The following PIK3C2B variants were observed in gnomAD, a reference collection of about 807,000 sequenced individuals.
PIK3C2B encodes the protein phosphatidylinositol-4-phosphate 3-kinase catalytic subunit type 2 beta, also known as phosphatidylinositol 4-phosphate 3-kinase C2 domain-containing subunit beta.
PIK3C2B carries 83 observed loss-of-function variants against 184.3 expected under a neutral mutation model. The observed-to-expected ratio is 0.45, with a 90% CI of 0.38 to 0.54. The LOEUF (loss-of-function observed/expected upper bound fraction) is 0.54, where lower values mean the gene tolerates loss of function less well. Among genes scored for constraint, PIK3C2B ranks in the 20% least tolerant of loss-of-function variants. The pLI, the probability that PIK3C2B is intolerant of heterozygous loss-of-function variation, is 0.00. For synonymous variants in PIK3C2B, 779 were observed against 837.6 expected, an observed-to-expected ratio of 0.93 and a Z score of 1.21; for missense variants, 1,736 against 2,113.5, an observed-to-expected ratio of 0.82 and a Z score of 3.50.
intron 23 of PIK3C2B, among the ~76,000 whole-genome samples, chr1:204,436,123 ACT>A (rs1165933950): frequency 2.0e-5 from 3 of 152,182 alleles, no homozygotes; most frequent in Non-Finnish European, 2.9e-5. Flanking sequence ...ATAAAGGGAC[ACT>A]CTGCCTCTGA....
chr1:204,432,094 C>T, intron 27 of PIK3C2B, 106 bp downstream of exon 27: 2 of 1,011,294 alleles, frequency 2.0e-6, no homozygotes, highest in Non-Finnish European at 3.1e-6. Context: ...ACAGGACGCT[C>T]GGTCAACTCC....
Position 204,469,473 on chromosome 1 carries a change from C to A in PIK3C2B, c.330G>T (p.Gly110=). The change falls in exon 2 of 33, where the codon GGG becomes GGT. Residue 110 remains glycine (G), a synonymous_variant. Transcript: ENST00000684373. ...GCCAGGGATCTGAGCCAGGCTGTGG[C>A]CCTTGGGAGGTAGAGTGGTTGGGCG... ...EGPPNHSTSQ[G]PQPGSDPWPK... 6.2e-7 allele frequency: 1 copy of A among 1,603,686 alleles called. No homozygotes were observed. Among genetic ancestry groups the A allele is most frequent in the Non-Finnish European group, 8.5e-7 (1 of 1,175,130 alleles).
chr1:204,443,286 CAG>C, intron 19 of PIK3C2B, 129 bp downstream of exon 19: 1 of 787,078 alleles, frequency 1.3e-6, no homozygotes, highest in Non-Finnish European at 2.0e-6. Flanking sequence ...GCCTAGTTTC[CAG>C]AGTCAGCTGC....
At chr1:204,442,245 C>T (rs1335950538) in intron 20 of PIK3C2B, among the ~76,000 whole-genome samples, 3 of 152,196 alleles carry the variant, frequency 2.0e-5, no homozygotes, top group Admixed American at 2.0e-4. Context: ...TGCCCTCATT[C>T]TGTCTTTAAG....
chr1:204,460,593 T>C lies in PIK3C2B; in HGVS notation c.1379A>G (p.Gln460Arg). ...CRKFDIDIRL[Q>R]LMEQKVVRSD... ...GCGCACAACCTTCTGCTCCATCAGC[T>C]GTAGCCGAATGTCAATGTCAAACTT... is the stretch of plus-strand genomic sequence containing the variant. The change falls in exon 6 of 33, where the codon CAG becomes CGG. Residue 460 changes from glutamine (Q) to arginine (R), a missense_variant. Gln to Arg is a conservative substitution (Grantham distance 43). Coordinates refer to ENST00000684373, the MANE Select transcript of PIK3C2B (RefSeq NM_001377334.1). The C allele has an allele frequency of 6.2e-7, 1 of 1,614,104 alleles. No homozygotes were observed. Among genetic ancestry groups the C allele is most frequent in the Non-Finnish European group, 8.5e-7 (1 of 1,180,022 alleles).
In PIK3C2B at chr1:204,433,680, T is replaced by C. The variant is rs1456218172; in HGVS notation, c.3843+113A>G. The C allele has an allele frequency of 4.8e-5, 51 of 1,052,970 alleles. No individual in the cohort carries two copies. The highest frequency in any genetic ancestry group is 2.1e-4 in the Middle Eastern group (1 of 4,672). The allele number at this position is 1,052,970 out of a possible 1,614,324, so 65.2% of individuals were successfully genotyped here. ...TTATCTAGGGCAGGCAGGTATTCAGTTGGGGCTCAGAGAGGTAAATCTCTA... is the reference window on the plus strand; with the variant it reads ...TTATCTAGGGCAGGCAGGTATTCAGCTGGGGCTCAGAGAGGTAAATCTCTA... On this transcript the variant is annotated intron_variant, in intron 25 of 32. Transcript: ENST00000684373. The surrounding 1 kb of genome is among the most constrained non-coding windows in gnomAD (Gnocchi z 5.0).
intron 20 of PIK3C2B, 55 bp downstream of exon 20, chr1:204,442,471 C>G: frequency 8.5e-7 from 1 of 1,171,114 alleles, no homozygotes; most frequent in Non-Finnish European, 1.2e-6. Flanking sequence ...TAGTGAAGAC[C>G]TCACCTCCAC....
chr1:204,450,044 G>A (rs373648905), intron 12 of PIK3C2B, 27 bp from the exon 13 acceptor site: 28 of 1,527,410 alleles, frequency 1.8e-5, no homozygotes, highest in Non-Finnish European at 2.5e-5. Flanking sequence ...GTCAAATTAG[G>A]AGGGGCCACT....
chr1:204,456,956 C>T (rs376748068), intron 10 of PIK3C2B, 81 bp downstream of exon 10: 1 of 1,184,726 alleles, frequency 8.4e-7, no homozygotes, highest in Non-Finnish European at 1.2e-6. Context: ...AATCAAGGGG[C>T]CCAGGCAGAA....
At chr1:204,488,165 C>T (rs1279507992) in intron 1 of PIK3C2B, among the ~76,000 whole-genome samples, 1 of 152,174 alleles carries the variant, frequency 6.6e-6, no homozygotes, top group Admixed American at 6.5e-5. Flanking sequence ...AGGCTTTGAA[C>T]CCAAGTAATC....
intron 2 of PIK3C2B, 145 bp downstream of exon 2, chr1:204,468,725 C>G (rs191702983): frequency 5.8e-6 from 4 of 692,526 alleles, no homozygotes; most frequent in Middle Eastern, 2.6e-4. Context: ...GGACCTCCCC[C>G]ACCAGGGCCA....
At chr1:204,461,536 T>A (rs577517268) in intron 5 of PIK3C2B, among the ~76,000 whole-genome samples, 2 of 151,602 alleles carry the variant, frequency 1.3e-5, no homozygotes, top group East Asian at 1.9e-4. Flanking sequence ...AGGCCAGAAA[T>A]GGAGAGGAGA....
rs150805637 is a variant in PIK3C2B at position 204,486,267 on chromosome 1, C to T, written c.-85+8089G>A. On this transcript the variant is annotated intron_variant, in intron 1 of 32. Transcript: ENST00000684373. Reference sequence around the variant, plus strand: ...AAAGTTAGCTGGGCATGGTGATGCGCGCCAGTAATCCCAGCTACTCAGGAG... The same window carrying T: ...AAAGTTAGCTGGGCATGGTGATGCGTGCCAGTAATCCCAGCTACTCAGGAG... Among the ~76,000 whole-genome samples, 983 of 151,838 alleles carry T rather than the reference C, an allele frequency of 6.5e-3. 9 individuals carry two copies. Among genetic ancestry groups the T allele is most frequent in the African/African-American group, 0.022 (907 of 41,398 alleles).
intron 1 of PIK3C2B, among the ~76,000 whole-genome samples, chr1:204,486,272 G>A (rs1657578305): frequency 6.6e-6 from 1 of 151,910 alleles, no homozygotes. Context: ...ATGCGCGCCA[G>A]TAATCCCAGC....
intron 1 of PIK3C2B, among the ~76,000 whole-genome samples, chr1:204,474,117 G>C (rs575577536): frequency 1.3e-5 from 2 of 149,906 alleles, no homozygotes; most frequent in Non-Finnish European, 1.5e-5. Context: ...TCAGCCTCCC[G>C]AGTAGTTGGG....
At chr1:204,425,145 C>T in intron 32 of PIK3C2B, 105 bp from the exon 33 acceptor site, 1 of 870,034 alleles carries the variant, frequency 1.1e-6, no homozygotes, top group Non-Finnish European at 1.8e-6. Flanking sequence ...GCTGATCCAG[C>T]TGAGGCTAGC....
chr1:204,457,679 A>C (rs1362196521), intron 9 of PIK3C2B, 49 bp downstream of exon 9: 1 of 1,538,778 alleles, frequency 6.5e-7, no homozygotes, highest in Non-Finnish European at 8.7e-7. Context: ...CAGTTACCTG[A>C]CAGTATCCCT....
At chr1:204,448,527 A>G (rs990927754) in intron 14 of PIK3C2B, among the ~76,000 whole-genome samples, 2 of 151,198 alleles carry the variant, frequency 1.3e-5, no homozygotes, top group African/African-American at 2.4e-5. Flanking sequence ...AGTCTCATCT[A>G]CTCGGGAGGC....
At chr1:204,457,441 T>C (rs186202496) in intron 9 of PIK3C2B, among the ~76,000 whole-genome samples, 86 of 152,320 alleles carry the variant, frequency 5.6e-4, no homozygotes, top group Non-Finnish European at 1.2e-4. Flanking sequence ...CTGATGGATA[T>C]GCAGACTGTC....
Sources: allele counts gnomAD v4.1 joint callset (sites outside exome capture counted in the v4.1 genomes callset), GRCh38; gene constraint gnomAD v4.1.1; non-coding constraint Gnocchi (gnomAD v3.1); transcripts MANE v1.5; gene names NCBI Gene and HGNC (gene_info 2026-07-23, HGNC 2026-07-21).